Variants in FOXN3 observed in about 807,000 individuals in gnomAD.
FOXN3 encodes forkhead box protein N3.
A neutral mutation model predicts 38.4 loss-of-function variants in FOXN3; 7 were observed. That is an observed-to-expected ratio of 0.18 (90% confidence interval 0.10 to 0.34). The LOEUF is 0.34. FOXN3 is among the 10% of genes least tolerant of loss of function. The pLI, the probability that FOXN3 is intolerant of heterozygous loss-of-function variation, is 1.00. For missense variants in FOXN3, 456 were observed against 613.4 expected, an observed-to-expected ratio of 0.74 and a Z score of 2.71; for synonymous variants, 230 against 242.2, an observed-to-expected ratio of 0.95 and a Z score of 0.47.
chr14:89,243,929 C>T (rs1349580273), intron 4 of FOXN3, among the ~76,000 whole-genome samples: 2 of 152,176 alleles, frequency 1.3e-5, no homozygotes, highest in Admixed American at 6.5e-5. Flanking sequence ...AAGGGCTCCC[C>T]TAAGCTCCAA....
chr14:89,283,653 C>T (rs1392330614), intron 3 of FOXN3, among the ~76,000 whole-genome samples: 1 of 151,624 alleles, frequency 6.6e-6, no homozygotes, highest in Non-Finnish European at 1.5e-5. Context: ...GAATGGGGTG[C>T]GCTCCATACC....
intron 1 of FOXN3, among the ~76,000 whole-genome samples, chr14:89,486,949 C>A (rs944458057): frequency 6.6e-6 from 1 of 152,122 alleles, no homozygotes; most frequent in Non-Finnish European, 1.5e-5. Context: ...GCTACAACTG[C>A]CATTGAGACA....
intron 4 of FOXN3, among the ~76,000 whole-genome samples, chr14:89,238,502 T>C (rs1439427938): frequency 2.6e-5 from 4 of 152,208 alleles, no homozygotes; most frequent in African/African-American, 9.7e-5. Flanking sequence ...TTCCTCACAA[T>C]TACAGTGCTG....
intron 1 of FOXN3, among the ~76,000 whole-genome samples, chr14:89,501,806 C>T (rs925084731): frequency 6.6e-6 from 1 of 151,940 alleles, no homozygotes; most frequent in Non-Finnish European, 1.5e-5. Context: ...CCAGATCTCA[C>T]CATTGCACTC....
chr14:89,413,063 C>G (rs747698351), intron 1 of FOXN3, among the ~76,000 whole-genome samples: 4 of 152,100 alleles, frequency 2.6e-5, no homozygotes, highest in Non-Finnish European at 4.4e-5. Context: ...CGACCCACCA[C>G]CATCCCCATT....
chr14:89,555,027 G>A (rs182025935), intron 1 of FOXN3, among the ~76,000 whole-genome samples: 3 of 151,862 alleles, frequency 2.0e-5, no homozygotes, highest in African/African-American at 7.3e-5. Flanking sequence ...CTGACCTCAG[G>A]TGATCCACCC....
intron 4 of FOXN3, among the ~76,000 whole-genome samples, chr14:89,221,286 T>C (rs1884453639): frequency 6.6e-6 from 1 of 152,194 alleles, no homozygotes; most frequent in African/African-American, 2.4e-5. Context: ...TGGTGTTCTA[T>C]TGCTATGACA....
At chr14:89,559,833 TG>T (rs932083777) in intron 1 of FOXN3, among the ~76,000 whole-genome samples, 46 of 152,200 alleles carry the variant, frequency 3.0e-4, no homozygotes, top group Non-Finnish European at 2.1e-4. Context: ...AAGCAATAGC[TG>T]GGGACACAGA....
At chr14:89,593,494 T>C (rs892620150) in intron 1 of FOXN3, among the ~76,000 whole-genome samples, 5 of 151,962 alleles carry the variant, frequency 3.3e-5, no homozygotes, top group African/African-American at 4.8e-5. Context: ...ACAAAAATCA[T>C]TGGTCTCACT....
intron 1 of FOXN3, among the ~76,000 whole-genome samples, chr14:89,450,650 A>C (rs146962151): frequency 3.3e-5 from 5 of 151,414 alleles, no homozygotes; most frequent in Non-Finnish European, 7.4e-5. Context: ...CAGTGGCACA[A>C]TCTCGGCTCA....
At chr14:89,400,627 C>A (rs1198223030) in intron 2 of FOXN3, among the ~76,000 whole-genome samples, 1 of 152,158 alleles carries the variant, frequency 6.6e-6, no homozygotes, top group East Asian at 1.9e-4. Flanking sequence ...GGTAGATCCC[C>A]TTCCTGTCCT....
At chr14:89,470,375 T>G (rs1225954189) in intron 1 of FOXN3, among the ~76,000 whole-genome samples, 1 of 152,164 alleles carries the variant, frequency 6.6e-6, no homozygotes, top group Admixed American at 6.5e-5. Flanking sequence ...ATTATTCTAC[T>G]GACTCTAGAA....
intron 4 of FOXN3, among the ~76,000 whole-genome samples, chr14:89,276,002 C>T (rs1383955913): frequency 2.0e-5 from 3 of 152,194 alleles, no homozygotes; most frequent in Non-Finnish European, 1.5e-5. Context: ...GATGGCCAGG[C>T]ACAGTGGCTT....
chr14:89,464,059 C>G (rs1449953938), intron 1 of FOXN3, among the ~76,000 whole-genome samples: 1 of 152,202 alleles, frequency 6.6e-6, no homozygotes, highest in Admixed American at 6.5e-5. Flanking sequence ...GCTGGGATTA[C>G]AGGCATGAGC....
chr14:89,262,935 C>T (rs1885852672), intron 4 of FOXN3, among the ~76,000 whole-genome samples: 1 of 152,154 alleles, frequency 6.6e-6, no homozygotes, highest in Admixed American at 6.5e-5. Flanking sequence ...CAAAGCGAAC[C>T]TCTAAGGTAC....
chr14:89,211,398 C>T (rs756433670), intron 4 of FOXN3, among the ~76,000 whole-genome samples: 4 of 152,180 alleles, frequency 2.6e-5, no homozygotes, highest in Non-Finnish European at 4.4e-5. Context: ...GTTCTCAACT[C>T]CAACCACTGA....
intron 2 of FOXN3, among the ~76,000 whole-genome samples, chr14:89,405,590 T>C (rs1166782554): frequency 6.6e-6 from 1 of 152,116 alleles, no homozygotes; most frequent in African/African-American, 2.4e-5. Context: ...AGGGGTCCTA[T>C]GAGGCAGGGG....
intron 1 of FOXN3, among the ~76,000 whole-genome samples, chr14:89,561,713 C>T (rs1427590344): frequency 6.6e-6 from 1 of 152,054 alleles, no homozygotes; most frequent in Non-Finnish European, 1.5e-5. Context: ...AAAAGGAGTT[C>T]CAGGGGGGTT....
intron 2 of FOXN3, among the ~76,000 whole-genome samples, chr14:89,402,665 T>C (rs1247448264): frequency 1.3e-5 from 2 of 152,182 alleles, no homozygotes; most frequent in African/African-American, 4.8e-5. Flanking sequence ...TGTCCTTCCC[T>C]GCACTCCCCT....
Sources: gnomAD v4.1 joint callset for allele counts (sites outside exome capture counted in the v4.1 genomes callset) on GRCh38, gnomAD v4.1.1 for gene constraint, MANE v1.5 for transcripts, NCBI Gene and HGNC (gene_info 2026-07-23, HGNC 2026-07-21) for gene names.